Variants in CACNA2D3 observed in about 807,000 individuals in gnomAD.
CACNA2D3 encodes the protein voltage-dependent calcium channel subunit alpha-2/delta-3.
A neutral mutation model predicts 160.6 loss-of-function variants in CACNA2D3; 60 were observed. The ratio of observed to expected loss-of-function variants is 0.37; its 90% CI spans 0.30 to 0.46. The LOEUF is 0.46. Ranked by LOEUF, CACNA2D3 falls within the 20% of genes least tolerant of loss-of-function variation. The pLI, the probability that CACNA2D3 is intolerant of heterozygous loss-of-function variation, is 1.00. For synonymous variants in CACNA2D3, 558 were observed against 492.9 expected, an observed-to-expected ratio of 1.13 and a Z score of -1.75; for missense variants, 1,205 against 1,365.0, an observed-to-expected ratio of 0.88 and a Z score of 1.85.
chr3:54,441,781 T>C (rs971597898), intron 4 of CACNA2D3, among the ~76,000 whole-genome samples: 5 of 152,190 alleles, frequency 3.3e-5, no homozygotes, highest in African/African-American at 1.2e-4. Context: ...GTATCATTCA[T>C]TGAAAAGATT....
chr3:54,918,350 T>G, intron 27 of CACNA2D3: 3 of 431,208 alleles, frequency 7.0e-6, no homozygotes, highest in South Asian at 6.3e-5. Context: ...TTTTTTTTTT[T>G]TTTTTGTCTT....
At chr3:54,832,442 A>G (rs1045832378) in intron 14 of CACNA2D3, among the ~76,000 whole-genome samples, 17 of 152,188 alleles carry the variant, frequency 1.1e-4, no homozygotes, top group Admixed American at 1.0e-3. Flanking sequence ...AGAAGAAGGA[A>G]AAGAAAGGGG....
chr3:54,466,187 A>G (rs1189048786), intron 4 of CACNA2D3, among the ~76,000 whole-genome samples: 1 of 152,200 alleles, frequency 6.6e-6, no homozygotes, highest in Non-Finnish European at 1.5e-5. Context: ...ATACCCCTAG[A>G]TTAGTGTTTG....
chr3:54,836,755 T>G (rs559294136), intron 14 of CACNA2D3, among the ~76,000 whole-genome samples: 1 of 152,254 alleles, frequency 6.6e-6, no homozygotes, highest in Admixed American at 6.5e-5. Context: ...ACCAGACCCT[T>G]TATGTGCATG....
intron 3 of CACNA2D3, among the ~76,000 whole-genome samples, chr3:54,355,756 A>G (rs548010679): frequency 6.6e-6 from 1 of 152,340 alleles, no homozygotes; most frequent in East Asian, 1.9e-4. Flanking sequence ...GAGGATTGAC[A>G]TATGGATGGT....
At chr3:54,537,505 C>T (rs1304102635) in intron 5 of CACNA2D3, among the ~76,000 whole-genome samples, 1 of 152,096 alleles carries the variant, frequency 6.6e-6, no homozygotes, top group Non-Finnish European at 1.5e-5. Context: ...AGGGAAACAG[C>T]TCCACCATGG....
intron 11 of CACNA2D3, among the ~76,000 whole-genome samples, chr3:54,736,387 T>C (rs1337942850): frequency 6.6e-6 from 1 of 152,018 alleles, no homozygotes; most frequent in Non-Finnish European, 1.5e-5. Context: ...ATAAATTCTT[T>C]CTGCTAAATC....
chr3:54,506,539 G>T (rs1193737376), intron 5 of CACNA2D3, among the ~76,000 whole-genome samples: 1 of 152,168 alleles, frequency 6.6e-6, no homozygotes, highest in Non-Finnish European at 1.5e-5. Context: ...TGCTCAGCCG[G>T]GTTTGTGCTT....
Position 54,806,693 on chromosome 3 carries a change from G to GA in CACNA2D3, c.1381-10154dup, listed in dbSNP as rs1244127104. Among the ~76,000 whole-genome samples the GA allele has an allele frequency of 2.1e-3, 314 of 152,142 alleles. 1 individual carries two copies. Among genetic ancestry groups the GA allele is most frequent in the African/African-American group, 6.9e-3 (287 of 41,496 alleles). ...ACCAATGCCTTTATTCACAGAATTGGAAAAAACTACTTTAAAGTTCATATG... is the reference window on the plus strand; with the variant it reads ...ACCAATGCCTTTATTCACAGAATTGGAAAAAAACTACTTTAAAGTTCATATG... On this transcript the variant is annotated intron_variant, in intron 13 of 37. Coordinates refer to ENST00000474759, the MANE Select transcript of CACNA2D3 (RefSeq NM_018398.3).
intron 3 of CACNA2D3, among the ~76,000 whole-genome samples, chr3:54,382,638 G>A (rs1699122001): frequency 6.6e-6 from 1 of 152,178 alleles, no homozygotes; most frequent in Non-Finnish European, 1.5e-5. Context: ...ACAAAAATTA[G>A]CCGGGAGTGA....
At chr3:54,623,729 C>A (rs1699038650) in intron 9 of CACNA2D3, among the ~76,000 whole-genome samples, 1 of 152,182 alleles carries the variant, frequency 6.6e-6, no homozygotes, top group African/African-American at 2.4e-5. Context: ...GTGTCCAGTG[C>A]AGTAGCCACT....
chr3:54,812,763 T>C (rs560407003), intron 13 of CACNA2D3, among the ~76,000 whole-genome samples: 1 of 152,338 alleles, frequency 6.6e-6, no homozygotes, highest in South Asian at 2.1e-4. Context: ...ACACAGAGCC[T>C]TGTCCTTGAC....
chr3:54,341,885 T>C (rs1698356904), intron 3 of CACNA2D3, among the ~76,000 whole-genome samples: 1 of 152,200 alleles, frequency 6.6e-6, no homozygotes, highest in Admixed American at 6.5e-5. Context: ...ATGATAGTAC[T>C]TGTTGAATTA....
At chr3:54,764,443 T>G in intron 13 of CACNA2D3, 92 bp downstream of exon 13, 2 of 1,467,070 alleles carry the variant, frequency 1.4e-6, no homozygotes, top group Non-Finnish European at 1.9e-6. Flanking sequence ...ATCACTCTTA[T>G]TTTTTGTGTT....
intron 26 of CACNA2D3, 110 bp downstream of exon 26, chr3:54,896,980 C>T (rs1700205322): frequency 2.9e-6 from 4 of 1,399,336 alleles, no homozygotes; most frequent in Middle Eastern, 2.5e-4. Flanking sequence ...CAAGTTCAAC[C>T]CTCAGAGCCA....
chr3:54,458,871 A>G (rs943088479), intron 4 of CACNA2D3, among the ~76,000 whole-genome samples: 5 of 152,028 alleles, frequency 3.3e-5, no homozygotes, highest in Non-Finnish European at 7.4e-5. Context: ...TGCTGCACCC[A>G]TTAACTCGTC....
intron 18 of CACNA2D3, among the ~76,000 whole-genome samples, chr3:54,873,979 A>C (rs1699603071): frequency 6.6e-6 from 1 of 152,168 alleles, no homozygotes; most frequent in African/African-American, 2.4e-5. Context: ...GACAGGGTTT[A>C]GGTTGAAATC....
chr3:55,033,816 A>ATTAAATATATT (rs1445152408), intron 35 of CACNA2D3, among the ~76,000 whole-genome samples: 1 of 107,122 alleles, frequency 9.3e-6, no homozygotes, highest in African/African-American at 3.5e-5. Context: ...TGTATTATAT[A>ATTAAATATATT]TTAAATATAT....
At chr3:54,703,859 G>A (rs1017033449) in intron 11 of CACNA2D3, among the ~76,000 whole-genome samples, 3 of 152,164 alleles carry the variant, frequency 2.0e-5, no homozygotes, top group Non-Finnish European at 2.9e-5. Context: ...CTAACAGAGA[G>A]CCGCATTTGT....
Sources: gnomAD v4.1 joint callset for allele counts (sites outside exome capture counted in the v4.1 genomes callset) on GRCh38, gnomAD v4.1.1 for gene constraint, MANE v1.5 for transcripts, NCBI Gene and HGNC (gene_info 2026-07-23, HGNC 2026-07-21) for gene names.